ADAMTS17: variants seen among roughly 807,000 people sequenced by gnomAD.
ADAMTS17 encodes A disintegrin and metalloproteinase with thrombospondin motifs 17.
Under a neutral mutation model 141.5 loss-of-function variants are expected in ADAMTS17, and 113 were observed. That is an observed-to-expected ratio of 0.80 (90% CI 0.69 to 0.93). The LOEUF (loss-of-function observed/expected upper bound fraction) is 0.93. Ranked by LOEUF, ADAMTS17 falls within the 40% of genes least tolerant of loss-of-function variation. The probability of loss-of-function intolerance (pLI) is 0.00; values close to 1 mark genes in which losing one functional copy is unlikely to be tolerated. For synonymous variants in ADAMTS17, 768 were observed against 630.6 expected, an observed-to-expected ratio of 1.22 and a Z score of -3.27; for missense variants, 1,659 against 1,517.9, an observed-to-expected ratio of 1.09 and a Z score of -1.54.
intron 8 of ADAMTS17, among the ~76,000 whole-genome samples, chr15:100,175,140 T>C (rs937761345): frequency 6.6e-6 from 1 of 152,138 alleles, no homozygotes; most frequent in Non-Finnish European, 1.5e-5. Context: ...GAAACAAGAA[T>C]CAGAAAAAGC....
At chr15:100,276,658 C>T (rs950362882) in intron 4 of ADAMTS17, among the ~76,000 whole-genome samples, 3 of 152,042 alleles carry the variant, frequency 2.0e-5, no homozygotes, top group Non-Finnish European at 4.4e-5. Flanking sequence ...GGAGACAGAG[C>T]CACTCCCATC....
chr15:100,290,508 T>C (rs1486517438), intron 3 of ADAMTS17, among the ~76,000 whole-genome samples: 8 of 152,138 alleles, frequency 5.3e-5, no homozygotes, highest in Non-Finnish European at 1.2e-4. Flanking sequence ...AAAAAAACTA[T>C]TCTAAAATTC....
At chr15:100,003,378 G>T (rs928637018) in intron 18 of ADAMTS17, among the ~76,000 whole-genome samples, 1 of 152,096 alleles carries the variant, frequency 6.6e-6, no homozygotes, top group Non-Finnish European at 1.5e-5. Flanking sequence ...GGCTGTGGGG[G>T]CCCAGGGAGG....
chr15:100,170,748 T>C (rs1326579136), intron 8 of ADAMTS17, among the ~76,000 whole-genome samples: 1 of 152,214 alleles, frequency 6.6e-6, no homozygotes, highest in Non-Finnish European at 1.5e-5. Flanking sequence ...ATCCCTGCAC[T>C]AGACAAGATT....
intron 8 of ADAMTS17, among the ~76,000 whole-genome samples, chr15:100,176,766 C>G (rs192943041): frequency 1.1e-4 from 17 of 152,310 alleles, no homozygotes; most frequent in Admixed American, 1.0e-3. Context: ...ATGACCATAA[C>G]CACCGTCCTC....
intron 8 of ADAMTS17, among the ~76,000 whole-genome samples, chr15:100,196,484 T>C (rs572909149): frequency 2.5e-4 from 38 of 152,348 alleles, no homozygotes; most frequent in African/African-American, 6.3e-4. Context: ...CCAATCGCCC[T>C]ACGACGCACA....
chr15:99,998,331 G>A (rs1167220950), intron 18 of ADAMTS17, among the ~76,000 whole-genome samples: 3 of 152,144 alleles, frequency 2.0e-5, no homozygotes, highest in Non-Finnish European at 2.9e-5. Context: ...CAGGCTGGGC[G>A]GTGGCTGACG....
At chr15:100,236,630 G>A (rs190031182) in intron 7 of ADAMTS17, among the ~76,000 whole-genome samples, 1 of 152,286 alleles carries the variant, frequency 6.6e-6, no homozygotes, top group East Asian at 1.9e-4. Context: ...TAGAGGCCAG[G>A]AGGTTGAGAC....
chr15:100,052,745 T>C lies in ADAMTS17; in HGVS notation c.2296-1014A>G, dbSNP rs116353593. On this transcript the variant is annotated intron_variant, in intron 16 of 21. Coordinates refer to ENST00000268070, the MANE Select transcript of ADAMTS17 (RefSeq NM_139057.4). ...ACAATCTTATCCCAGATAAATGACTTAGGTACACATTCTTGGGTCCCAGAA... is the reference window on the plus strand; with the variant it reads ...ACAATCTTATCCCAGATAAATGACTCAGGTACACATTCTTGGGTCCCAGAA... Among the ~76,000 whole-genome samples, 196 of 152,320 alleles carry C rather than the reference T, an allele frequency of 1.3e-3. 1 individual carries two copies. The highest frequency in any genetic ancestry group is 4.5e-3 in the African/African-American group (186 of 41,576).
intron 20 of ADAMTS17, chr15:99,980,146 C>T (rs780146726): frequency 1.2e-4 from 19 of 152,130 alleles, no homozygotes; most frequent in Non-Finnish European, 1.5e-4. Flanking sequence ...CATGGCAAAA[C>T]GCTGTCTCTA....
chr15:100,331,486 CATT>C (rs2046052750), intron 2 of ADAMTS17, among the ~76,000 whole-genome samples: 1 of 152,032 alleles, frequency 6.6e-6, no homozygotes, highest in Non-Finnish European at 1.5e-5. Context: ...TTAAGAGTAA[CATT>C]AGTATTGTTT....
chr15:100,064,588 T>C (rs2033381301), intron 15 of ADAMTS17, among the ~76,000 whole-genome samples: 1 of 152,192 alleles, frequency 6.6e-6, no homozygotes, highest in Admixed American at 6.5e-5. Flanking sequence ...AACTACAGTA[T>C]TGCCTTAACA....
intron 10 of ADAMTS17, among the ~76,000 whole-genome samples, chr15:100,141,500 C>T (rs1016058680): frequency 6.6e-6 from 1 of 152,180 alleles, no homozygotes; most frequent in Non-Finnish European, 1.5e-5. Flanking sequence ...ACGCTAAGAG[C>T]TGGATGAAAA....
At chr15:100,332,576 G>A (rs935922435) in intron 2 of ADAMTS17, among the ~76,000 whole-genome samples, 1 of 152,232 alleles carries the variant, frequency 6.6e-6, no homozygotes, top group Non-Finnish European at 1.5e-5. Context: ...TCAGTCTAGA[G>A]TTTGCATTCA....
chr15:100,318,668 C>T (rs74247548), intron 3 of ADAMTS17, among the ~76,000 whole-genome samples: 10,343 of 152,254 alleles, frequency 0.068, 850 homozygotes, highest in East Asian at 0.25. Context: ...TAAGACCATT[C>T]CTTAGGCAAA....
chr15:100,169,255 A>G (rs1454219568), intron 8 of ADAMTS17, among the ~76,000 whole-genome samples: 1 of 151,910 alleles, frequency 6.6e-6, no homozygotes, highest in Non-Finnish European at 1.5e-5. Context: ...GTATGACGCT[A>G]AGCACTTGTG....
chr15:100,141,586 C>T (rs189695801), intron 10 of ADAMTS17, among the ~76,000 whole-genome samples: 1 of 152,308 alleles, frequency 6.6e-6, no homozygotes, highest in East Asian at 1.9e-4. Context: ...AGCCCCACTC[C>T]TGGAAGGCTT....
Position 100,155,242 on chromosome 15 carries a change from G to T in ADAMTS17, c.1260C>A (p.Gly420=). 6.2e-7 allele frequency: 1 copy of T among 1,614,198 alleles called. No homozygotes were observed. Among genetic ancestry groups the T allele is most frequent in the Non-Finnish European group, 8.5e-7 (1 of 1,180,048 alleles). Residue 420 remains glycine, a synonymous_variant, in exon 9 of 22, where the codon GGC becomes GGA. Coordinates refer to ENST00000268070, the MANE Select transcript of ADAMTS17 (RefSeq NM_139057.4). Reference sequence around the variant, plus strand: ...ACCAAGAGAGGTCACTTGGGTTCCGGCCTTTCACCCACTCTCCTGACATGA... The same window carrying T: ...ACCAAGAGAGGTCACTTGGGTTCCGTCCTTTCACCCACTCTCCTGACATGA... ...SHIMSGEWVK[G]RNPSDLSWSS...
chr15:100,267,582 A>G (rs981394410), intron 4 of ADAMTS17, among the ~76,000 whole-genome samples: 1 of 152,132 alleles, frequency 6.6e-6, no homozygotes, highest in Non-Finnish European at 1.5e-5. Context: ...TTACGTGAGT[A>G]TATTGCGTGA....
Sources: gnomAD v4.1 joint callset for allele counts (sites outside exome capture counted in the v4.1 genomes callset) on GRCh38, gnomAD v4.1.1 for gene constraint, MANE v1.5 for transcripts, NCBI Gene and HGNC (gene_info 2026-07-23, HGNC 2026-07-21) for gene names.